HAPLN1: variants seen among roughly 807,000 people sequenced by gnomAD.
HAPLN1 encodes the protein Cartilage link protein.
In HAPLN1, 13 loss-of-function variants were observed where a neutral mutation model predicts 36.5. The observed-to-expected ratio is 0.36, with a 90% confidence interval of 0.23 to 0.57. The LOEUF (loss-of-function observed/expected upper bound fraction) is 0.57, where lower values mean the gene tolerates loss of function less well. Ranked by LOEUF, HAPLN1 falls within the 20% of genes least tolerant of loss-of-function variation. The pLI, the probability that HAPLN1 is intolerant of heterozygous loss-of-function variation, is 0.83. For missense variants in HAPLN1, 407 were observed against 439.7 expected (o/e 0.93, Z 0.66); for synonymous variants, 202 against 169.8 (o/e 1.19, Z -1.48).
intron 1 of HAPLN1, among the ~76,000 whole-genome samples, chr5:83,710,927 G>A (rs950459452): frequency 6.6e-6 from 1 of 151,898 alleles, no homozygotes; most frequent in Admixed American, 6.6e-5. Context: ...CTCCAGCCTG[G>A]GCGACAGAGA....
intron 2 of HAPLN1, among the ~76,000 whole-genome samples, chr5:83,656,033 A>G (rs1435757474): frequency 6.6e-6 from 1 of 152,150 alleles, no homozygotes; most frequent in African/African-American, 2.4e-5. Context: ...TTAAATCAAA[A>G]CTGTTTGATT....
chr5:83,709,096 C>A (rs990703824), intron 1 of HAPLN1, among the ~76,000 whole-genome samples: 2 of 152,116 alleles, frequency 1.3e-5, no homozygotes, highest in African/African-American at 4.8e-5. Context: ...TCAGGCTGGT[C>A]TTGAACTCCA....
intron 1 of HAPLN1, among the ~76,000 whole-genome samples, chr5:83,707,304 G>C (rs1373338112): frequency 6.6e-6 from 1 of 152,052 alleles, no homozygotes; most frequent in Non-Finnish European, 1.5e-5. Context: ...GAAGAAAGCT[G>C]GAAGAATCAC....
At chr5:83,703,936 C>A (rs982435860) in intron 1 of HAPLN1, among the ~76,000 whole-genome samples, 1 of 151,524 alleles carries the variant, frequency 6.6e-6, no homozygotes, top group Non-Finnish European at 1.5e-5. Flanking sequence ...ATCCTAAAGA[C>A]ACATGATCAT....
intron 1 of HAPLN1, among the ~76,000 whole-genome samples, chr5:83,713,009 A>G (rs1561326697): frequency 6.6e-6 from 1 of 152,162 alleles, no homozygotes; most frequent in Non-Finnish European, 1.5e-5. Flanking sequence ...AATAGACTTG[A>G]ATTAGTCTGC....
intron 1 of HAPLN1, among the ~76,000 whole-genome samples, chr5:83,719,284 C>T (rs935193251): frequency 2.0e-5 from 3 of 152,310 alleles, no homozygotes; most frequent in Admixed American, 6.5e-5. Context: ...GCATTCCTGT[C>T]GAGAATACTG....
At chr5:83,707,826 A>C (rs1411664791) in intron 1 of HAPLN1, among the ~76,000 whole-genome samples, 2 of 152,228 alleles carry the variant, frequency 1.3e-5, no homozygotes, top group African/African-American at 4.8e-5. Context: ...TTTGCAAACT[A>C]TACATCTGTA....
intron 1 of HAPLN1, among the ~76,000 whole-genome samples, chr5:83,692,104 A>T (rs1751289777): frequency 6.6e-6 from 1 of 151,890 alleles, no homozygotes; most frequent in Non-Finnish European, 1.5e-5. Context: ...AGGGAGAAGA[A>T]AAATGACTGA....
chr5:83,643,339 G>A (rs1749759664), intron 4 of HAPLN1, among the ~76,000 whole-genome samples: 2 of 139,060 alleles, frequency 1.4e-5, no homozygotes, highest in African/African-American at 5.4e-5. Flanking sequence ...GACAGACAGG[G>A]TGATACCCTG....
At chr5:83,673,288 A>T in intron 2 of HAPLN1, 136 bp downstream of exon 2, 1 of 608,620 alleles carries the variant, frequency 1.6e-6, no homozygotes, top group Non-Finnish European at 2.9e-6. Flanking sequence ...GCCAGGGAAC[A>T]CGTTCACCAA....
intron 1 of HAPLN1, among the ~76,000 whole-genome samples, chr5:83,689,543 C>T (rs1751221189): frequency 1.3e-5 from 2 of 151,960 alleles, no homozygotes; most frequent in African/African-American, 4.8e-5. Context: ...CCCACAAAAC[C>T]AACTTCAATA....
At chr5:83,681,952 A>C (rs1364370122) in intron 1 of HAPLN1, among the ~76,000 whole-genome samples, 1 of 152,190 alleles carries the variant, frequency 6.6e-6, no homozygotes, top group Non-Finnish European at 1.5e-5. Context: ...CAGGTTTTAT[A>C]ATTTGAAACA....
In HAPLN1 at chr5:83,705,802, A is replaced by G. The variant is rs914911424; in HGVS notation, c.-27+14987T>C. On this transcript the variant is annotated intron_variant, in intron 1 of 4. Transcript: ENST00000274341. ...AATCCAGGAGTTGGTTTTTTGAAAA[A>G]ATTAATAAGATCGAAAGACTGCTAA... Among the ~76,000 whole-genome samples the G allele has an allele frequency of 2.0e-5, 3 of 152,070 alleles. No individual in the cohort carries two copies. In the East Asian group the frequency reaches 5.8e-4, roughly 29 times the overall value.
chr5:83,705,775 C>A (rs554676776), intron 1 of HAPLN1, among the ~76,000 whole-genome samples: 1 of 151,998 alleles, frequency 6.6e-6, no homozygotes, highest in South Asian at 2.1e-4. Context: ...AAAAGATAAA[C>A]AAATCCAGGA....
intron 4 of HAPLN1, 42 bp from the exon 5 acceptor site, chr5:83,641,827 T>A: frequency 1.3e-6 from 2 of 1,588,606 alleles, no homozygotes; most frequent in South Asian, 1.1e-5. Flanking sequence ...TGGTCTTCAA[T>A]TGAGCCACAC....
intron 1 of HAPLN1, among the ~76,000 whole-genome samples, chr5:83,709,893 G>A (rs186955198): frequency 6.6e-6 from 1 of 152,328 alleles, no homozygotes; most frequent in African/African-American, 2.4e-5. Flanking sequence ...GATAAGGAAG[G>A]TCAGGATTTA....
chr5:83,652,930 C>A, intron 2 of HAPLN1, 106 bp from the exon 3 acceptor site: 1 of 1,115,804 alleles, frequency 9.0e-7, no homozygotes, highest in Non-Finnish European at 1.2e-6. Context: ...CAAAGGATAG[C>A]TTTGAGTGGT....
intron 1 of HAPLN1, among the ~76,000 whole-genome samples, chr5:83,685,285 A>T (rs969115724): frequency 1.3e-5 from 2 of 152,208 alleles, no homozygotes; most frequent in East Asian, 3.9e-4. Context: ...GACACACTGT[A>T]GAAGCTCAGG....
At chr5:83,703,302 C>A (rs749892369) in intron 1 of HAPLN1, 3 of 152,128 alleles carry the variant, frequency 2.0e-5, no homozygotes, top group Non-Finnish European at 4.4e-5. Flanking sequence ...TAATCATCTC[C>A]TCAATGTTTC....
Sources: allele counts gnomAD v4.1 joint callset (sites outside exome capture counted in the v4.1 genomes callset), GRCh38; gene constraint gnomAD v4.1.1; transcripts MANE v1.5; gene names NCBI Gene and HGNC (gene_info 2026-07-23, HGNC 2026-07-21).